IFT46: variants seen among roughly 807,000 people sequenced by gnomAD.
IFT46 encodes intraflagellar transport 46.
In IFT46, 19 loss-of-function variants were observed where a neutral mutation model predicts 39.6. That is an observed-to-expected ratio of 0.48 (90% confidence interval 0.33 to 0.70). The LOEUF (loss-of-function observed/expected upper bound fraction) is 0.70, where lower values mean the gene tolerates loss of function less well. Among genes scored for constraint, IFT46 ranks in the 30% least tolerant of loss-of-function variants. IFT46 has a pLI of 0.01. For synonymous variants in IFT46, 117 were observed against 134.8 expected (o/e 0.87, Z 0.91); for missense variants, 334 against 364.8 (o/e 0.92, Z 0.69).
At chr11:118,553,181 C>T (rs1937710860) in intron 7 of IFT46, among the ~76,000 whole-genome samples, 1 of 152,092 alleles carries the variant, frequency 6.6e-6, no homozygotes, top group African/African-American at 2.4e-5. Flanking sequence ...GTGGCTCACA[C>T]CTATAATCCC....
intron 4 of IFT46, among the ~76,000 whole-genome samples, 197 bp downstream of exon 4, chr11:118,556,709 T>C (rs1331459319): frequency 1.3e-5 from 2 of 152,100 alleles, no homozygotes; most frequent in African/African-American, 4.8e-5. Context: ...AGTGATACTA[T>C]AGGACTGGAT....
chr11:118,560,504 C>T (rs1431582141), intron 2 of IFT46: 3 of 176,712 alleles, frequency 1.7e-5, no homozygotes, highest in African/African-American at 7.3e-5. Flanking sequence ...GAAAAATATA[C>T]ACTCTGCCCT....
chr11:118,545,538 C>T (rs2277295), intron 10 of IFT46, 44 bp from the exon 11 acceptor site: 228,752 of 1,513,442 alleles, frequency 0.15, 21,945 homozygotes, highest in East Asian at 0.46. Context: ...AAACAAACTC[C>T]GGGAATTAGA....
At chr11:118,552,106 G>C (rs1937661254) in intron 8 of IFT46, 108 bp downstream of exon 8, 1 of 1,367,534 alleles carries the variant, frequency 7.3e-7, no homozygotes, top group African/African-American at 1.4e-5. Flanking sequence ...CAGGACCTCA[G>C]GTTGATCAAA....
chr11:118,563,041 G>T (rs1555070830), intron 2 of IFT46, among the ~76,000 whole-genome samples: 12 of 151,776 alleles, frequency 7.9e-5, no homozygotes, highest in African/African-American at 2.9e-4. Context: ...CTCCAGCCTG[G>T]GTGACAGAGC....
At chr11:118,570,661 C>A (rs1034122404), upstream of IFT46, among the ~76,000 whole-genome samples, 2 of 152,104 alleles carry the variant, frequency 1.3e-5, no homozygotes, top group African/African-American at 4.8e-5. Context: ...ATTTGGCATA[C>A]AAGAAATAAC....
At chr11:118,545,374 C>G (rs373983927) in intron 11 of IFT46, 35 bp downstream of exon 11, 21 of 1,456,890 alleles carry the variant, frequency 1.4e-5, no homozygotes, top group Non-Finnish European at 1.9e-5. Flanking sequence ...GTGATCCTCT[C>G]TACAGCTTAA....
At chr11:118,560,205 G>A in intron 2 of IFT46, 1 of 231,164 alleles carries the variant, frequency 4.3e-6, no homozygotes, top group Non-Finnish European at 8.3e-6. Context: ...TTGAGCCCAG[G>A]AGTTTGAGCC....
chr11:118,572,348 GCC>G (rs375845726), intron 1 of IFT46: 1,101 of 97,302 alleles, frequency 0.011, 11 homozygotes, highest in African/African-American at 0.034. Flanking sequence ...CACAGGCCCC[GCC>G]CCCCCCCCCG....
intron 1 of IFT46, among the ~76,000 whole-genome samples, chr11:118,571,693 ATCT>A (rs1264128801): frequency 6.6e-6 from 1 of 152,140 alleles, no homozygotes; most frequent in African/African-American, 2.4e-5. Flanking sequence ...ATCTATTCAA[ATCT>A]TTTGCTCATT....
rs1191116910 is a variant in IFT46 at position 118,544,951 on chromosome 11, G to C, written c.880C>G (p.Gln294Glu). 5 of 1,613,624 alleles carry C rather than the reference G, an allele frequency of 3.1e-6. No individual in the cohort carries two copies. The highest frequency in any genetic ancestry group is 4.2e-6 in the Non-Finnish European group (5 of 1,179,780). The change falls in exon 12 of 12, where the codon CAA (glutamine) becomes GAA (glutamate). Residue 294 changes from glutamine to glutamate, a missense_variant. Gln to Glu is a conservative substitution (Grantham distance 29). Coordinates refer to ENST00000264021, the MANE Select transcript of IFT46 (RefSeq NM_001168618.2). ...AFTPSSNSTSQAGDMETLTFS is the reference protein window; with the variant it reads ...AFTPSSNSTSEAGDMETLTFS ...GTTAATGTCTCCATGTCTCCAGCTT[G>C]GGAGGTGGAATTGGATGAAGGAGTG...
chr11:118,571,987 G>T (rs1317519217), intron 1 of IFT46, among the ~76,000 whole-genome samples: 1 of 151,860 alleles, frequency 6.6e-6, no homozygotes, highest in Non-Finnish European at 1.5e-5. Context: ...CTACTCCGGA[G>T]GCTGAGGCAG....
Position 118,551,797 on chromosome 11 carries a change from G to A in IFT46, c.661C>T (p.Leu221Phe), listed in dbSNP as rs1565346197. ...MQEWSPEFEELLGKVSLPTAE... is the reference protein window; with the variant it reads ...MQEWSPEFEEFLGKVSLPTAE... ...TACCTTCCACTCACCTTGCCCAAAA[G>A]CTCTTCAAACTCCGGGGACCATTCC... The change falls in exon 9 of 12, where the codon CTT (leucine) becomes TTT (phenylalanine). Residue 221 changes from leucine (L) to phenylalanine (F), a missense_variant. Leu to Phe is a conservative substitution (Grantham distance 22). Transcript: ENST00000264021. The A allele has an allele frequency of 6.2e-7, 1 of 1,613,810 alleles. No individual in the cohort carries two copies. Among genetic ancestry groups the A allele is most frequent in the Non-Finnish European group, 8.5e-7 (1 of 1,179,898 alleles).
chr11:118,571,710 A>C (rs1565354972), intron 1 of IFT46, among the ~76,000 whole-genome samples: 1 of 152,092 alleles, frequency 6.6e-6, no homozygotes, highest in Admixed American at 6.5e-5. Flanking sequence ...GCTCATTTTA[A>C]TTTTGTGTTT....
chr11:118,571,329 T>C (rs1938331557), intron 1 of IFT46, among the ~76,000 whole-genome samples: 1 of 152,258 alleles, frequency 6.6e-6, no homozygotes, highest in Non-Finnish European at 1.5e-5. Flanking sequence ...CCACATCTAT[T>C]GATGAATGGA....
chr11:118,557,579 C>A, intron 3 of IFT46: 1 of 834,644 alleles, frequency 1.2e-6, no homozygotes. Context: ...CCAGCAGTCC[C>A]AGGGACTATG....
At chr11:118,573,972 T>G (rs189971974), upstream of IFT46, among the ~76,000 whole-genome samples, 28 of 152,316 alleles carry the variant, frequency 1.8e-4, no homozygotes, top group Admixed American at 3.9e-4. Context: ...AATAGTAAAG[T>G]TAAGGTCTTG....
At chr11:118,571,796 T>G (rs765028955) in intron 1 of IFT46, among the ~76,000 whole-genome samples, 11 of 152,192 alleles carry the variant, frequency 7.2e-5, no homozygotes, top group African/African-American at 2.7e-4. Flanking sequence ...TGCTGAGTTA[T>G]AAGAGTTCTT....
intron 4 of IFT46, among the ~76,000 whole-genome samples, chr11:118,556,201 T>A (rs574690775): frequency 2.0e-5 from 3 of 151,670 alleles, no homozygotes; most frequent in African/African-American, 7.3e-5. Context: ...TTTTAAAAAA[T>A]TTTTGGGCGG....
Sources: gnomAD v4.1 joint callset for allele counts (sites outside exome capture counted in the v4.1 genomes callset) on GRCh38, gnomAD v4.1.1 for gene constraint, MANE v1.5 for transcripts, NCBI Gene and HGNC (gene_info 2026-07-23, HGNC 2026-07-21) for gene names.